The following FBP1 variants were observed in gnomAD, a reference collection of about 807,000 sequenced individuals.
FBP1 encodes fructose-1,6-bisphosphatase 1.
A neutral mutation model predicts 29.9 loss-of-function variants in FBP1; 22 were observed. That is an observed-to-expected ratio of 0.74 (90% CI 0.53 to 1.05). FBP1 has a LOEUF of 1.05. Ranked by LOEUF, FBP1 falls within the 50% of genes least tolerant of loss-of-function variation. The probability of loss-of-function intolerance (pLI) is 0.00; values close to 1 mark genes in which losing one functional copy is unlikely to be tolerated. For synonymous variants in FBP1, 175 were observed against 178.6 expected (o/e 0.98, Z 0.16); for missense variants, 345 against 448.2 (o/e 0.77, Z 2.08).
At chr9:94,607,215 A>G (rs1827715386) in intron 4 of FBP1, among the ~76,000 whole-genome samples, 1 of 152,256 alleles carries the variant, frequency 6.6e-6, no homozygotes, top group Non-Finnish European at 1.5e-5. Context: ...CAAACAAGAA[A>G]GAAACCACAC....
chr9:94,604,881 C>T (rs542480795), intron 6 of FBP1, among the ~76,000 whole-genome samples: 3 of 152,284 alleles, frequency 2.0e-5, no homozygotes, highest in Admixed American at 6.5e-5. Context: ...CAGCTCTGAG[C>T]GAGCGTGAGG....
At chr9:94,635,183 T>G (rs1011637680) in intron 1 of FBP1, among the ~76,000 whole-genome samples, 6 of 151,620 alleles carry the variant, frequency 4.0e-5, no homozygotes, top group Non-Finnish European at 7.4e-5. Flanking sequence ...GGAAGAGATG[T>G]GTAGTGTGGC....
intron 3 of FBP1, among the ~76,000 whole-genome samples, chr9:94,617,093 G>C (rs966408031): frequency 3.3e-5 from 5 of 152,150 alleles, no homozygotes; most frequent in African/African-American, 1.2e-4. Context: ...CAGACAGACA[G>C]ATAGTAAATT....
chr9:94,609,434 T>C (rs536563275), intron 4 of FBP1, among the ~76,000 whole-genome samples: 71 of 152,346 alleles, frequency 4.7e-4, no homozygotes, highest in Middle Eastern at 3.4e-3. Context: ...GCATTTTAGT[T>C]GGCCAACATA....
intron 1 of FBP1, among the ~76,000 whole-genome samples, chr9:94,638,110 A>C (rs1230519046): frequency 3.5e-5 from 3 of 85,434 alleles, no homozygotes; most frequent in Non-Finnish European, 1.0e-4. Flanking sequence ...AAAAGAAAAG[A>C]AAAAGAAAAT....
At chr9:94,637,545 C>T (rs1828210473) in intron 1 of FBP1, among the ~76,000 whole-genome samples, 1 of 151,824 alleles carries the variant, frequency 6.6e-6, no homozygotes, top group South Asian at 2.1e-4. Flanking sequence ...ATTACAGGCG[C>T]CTGCCACCAC....
chr9:94,627,287 G>A (rs927419499), intron 1 of FBP1, among the ~76,000 whole-genome samples: 1 of 149,634 alleles, frequency 6.7e-6, no homozygotes, highest in Non-Finnish European at 1.5e-5. Flanking sequence ...CCCGGGAGGC[G>A]GAGGTTGCAG....
Position 94,610,866 on chromosome 9 carries a change from C to CTT in FBP1, c.427-807_427-806dup, listed in dbSNP as rs5899227. On this transcript the variant is annotated intron_variant, in intron 3 of 6. Coordinates refer to ENST00000375326, the MANE Select transcript of FBP1 (RefSeq NM_000507.4). The stretch of plus-strand genomic sequence containing the variant: ...ATTTCTTACTATTAATGATTTTCTT[C>CTT]TTTTTTTTTTTTTTTGACACGGAGT... 1.8e-3 allele frequency among the ~76,000 whole-genome samples: 261 copies of CTT among 143,900 alleles called. 3 individuals carry two copies. The highest frequency in any genetic ancestry group is 7.4e-3 in the Middle Eastern group (2 of 270). 94.4% of individuals were successfully genotyped at this position (143,900 alleles called of 152,430 possible).
Position 94,639,387 on chromosome 9 carries a change from G to A in FBP1, c.-77C>T. The A allele has an allele frequency of 6.6e-7, 1 of 1,512,706 alleles. No individual in the cohort carries two copies. Among genetic ancestry groups the A allele is most frequent in the East Asian group, 2.4e-5 (1 of 41,140 alleles). The allele number at this position is 1,512,706 out of a possible 1,614,324, so 93.7% of individuals were successfully genotyped here. ...CTGCAGGTGCGGGCGGCAAGAGAGG[G>A]CAGTAGGCACTGGCCGCAGGTGCGG... On this transcript the variant is annotated 5_prime_UTR_variant, in exon 1 of 7. Transcript: ENST00000375326.
At chr9:94,624,102 G>A (rs28369675) in intron 1 of FBP1, among the ~76,000 whole-genome samples, 4,530 of 137,406 alleles carry the variant, frequency 0.033, 115 homozygotes, top group East Asian at 0.11. Context: ...TTGGGAGGCC[G>A]AGGTGGGTGG....
At position 94,621,831 on chromosome 9, in the gene FBP1, G is replaced by A. The variant is rs28369692; in HGVS notation, c.171-1340C>T. Among the ~76,000 whole-genome samples, 1,124 of 152,114 alleles carry A rather than the reference G, an allele frequency of 7.4e-3. 16 individuals are homozygous for A. Among genetic ancestry groups the A allele is most frequent in the African/African-American group, 0.026 (1,077 of 41,474 alleles). On this transcript the variant is annotated intron_variant, in intron 1 of 6. Coordinates refer to ENST00000375326, the MANE Select transcript of FBP1 (RefSeq NM_000507.4). ...CTGGGTCGGGGGTAGCCTGAGTTGCGAGCCAAGCCAAGGGGTTTATGGCTT... is the reference window on the plus strand; with the variant it reads ...CTGGGTCGGGGGTAGCCTGAGTTGCAAGCCAAGCCAAGGGGTTTATGGCTT...
At chr9:94,612,332 C>G (rs1197177929) in intron 3 of FBP1, among the ~76,000 whole-genome samples, 1 of 152,120 alleles carries the variant, frequency 6.6e-6, no homozygotes, top group African/African-American at 2.4e-5. Flanking sequence ...AGAGATTCAC[C>G]TCGCCCAGAA....
At chr9:94,610,093 T>C in intron 3 of FBP1, 32 bp from the exon 4 acceptor site, 1 of 1,607,134 alleles carries the variant, frequency 6.2e-7, no homozygotes, top group Non-Finnish European at 8.5e-7. Flanking sequence ...AGAATGTTTT[T>C]GTTTTGTTTT....
At chr9:94,616,254 G>A (rs1232246976) in intron 3 of FBP1, among the ~76,000 whole-genome samples, 1 of 152,062 alleles carries the variant, frequency 6.6e-6, no homozygotes, top group Non-Finnish European at 1.5e-5. Flanking sequence ...ATATAGAATG[G>A]TATGGTAGAC....
At chr9:94,617,975 T>G (rs1827888224) in intron 2 of FBP1, 115 bp from the exon 3 acceptor site, 3 of 792,176 alleles carry the variant, frequency 3.8e-6, no homozygotes, top group African/African-American at 3.4e-5. Flanking sequence ...AATGTGGGTC[T>G]TATTTATTTG....
Position 94,632,417 on chromosome 9 carries a change from C to T in FBP1, c.170+6724G>A, listed in dbSNP as rs28402402. On this transcript the variant is annotated intron_variant, in intron 1 of 6. Transcript: ENST00000375326. ...AGGCACGGTGGCTCACACTTGTAAGCCCAGCACTTTGGGAGGCTGAGGCGG... is the reference window on the plus strand; with the variant it reads ...AGGCACGGTGGCTCACACTTGTAAGTCCAGCACTTTGGGAGGCTGAGGCGG... 7.7e-3 allele frequency among the ~76,000 whole-genome samples: 1,179 copies of T among 152,234 alleles called. 16 individuals are homozygous for T. The highest frequency in any genetic ancestry group is 0.027 in the African/African-American group (1,117 of 41,536).
chr9:94,628,739 A>G (rs1828061361), intron 1 of FBP1, among the ~76,000 whole-genome samples: 1 of 152,180 alleles, frequency 6.6e-6, no homozygotes, highest in African/African-American at 2.4e-5. Context: ...CACGGCTGAA[A>G]ATTCTAGGAC....
At position 94,603,437 on chromosome 9, in the gene FBP1, A is replaced by T; in HGVS notation, c.961T>A (p.Ser321Thr). Residue 321 changes from serine (S) to threonine (T), a missense_variant, in exon 7 of 7, where the codon TCC (serine) becomes ACC (threonine). By Grantham distance (58) the Ser-to-Thr change is moderately conservative. Transcript: ENST00000375326. Reference sequence around the variant, plus strand: ...AGGAACTCGAGCACGTCGTCGGGGGATCCCAAGATCACCGGCGCCCTCTGG... The same window carrying T: ...AGGAACTCGAGCACGTCGTCGGGGGTTCCCAAGATCACCGGCGCCCTCTGG... The part of the protein sequence containing the change: ...IHQRAPVILG[S>T]PDDVLEFLKV... The T allele has an allele frequency of 1.2e-6, 2 of 1,613,674 alleles. No individual in the cohort carries two copies. The highest frequency in any genetic ancestry group is 1.7e-6 in the Non-Finnish European group (2 of 1,179,906).
intron 1 of FBP1, among the ~76,000 whole-genome samples, chr9:94,638,308 G>A (rs1828225720): frequency 6.6e-6 from 1 of 152,150 alleles, no homozygotes; most frequent in South Asian, 2.1e-4. Context: ...CTCAGGACCT[G>A]TCCCAGAGCT....
Sources: allele counts gnomAD v4.1 joint callset (sites outside exome capture counted in the v4.1 genomes callset), GRCh38; gene constraint gnomAD v4.1.1; transcripts MANE v1.5; gene names NCBI Gene and HGNC (gene_info 2026-07-23, HGNC 2026-07-21).